The following SAMMSON variants were observed in gnomAD, a reference collection of about 807,000 sequenced individuals.
SAMMSON encodes the protein long intergenic non-protein coding RNA 1212.
intron 4 of SAMMSON, among the ~76,000 whole-genome samples, chr3:70,191,203 A>T (rs999450585): frequency 6.6e-6 from 1 of 152,250 alleles, no homozygotes; most frequent in Non-Finnish European, 1.5e-5. Flanking sequence ...CTGTATCCAC[A>T]AAATAAGTTG....
At chr3:70,404,762 C>T (rs1277761848) in intron 2 of SAMMSON, among the ~76,000 whole-genome samples, 11 of 152,102 alleles carry the variant, frequency 7.2e-5, no homozygotes, top group Admixed American at 3.9e-4. Context: ...GGTTTCTATC[C>T]GAGGCACTTT....
intron 6 of SAMMSON, among the ~76,000 whole-genome samples, chr3:70,258,427 C>T (rs1430447093): frequency 6.6e-6 from 1 of 150,876 alleles, no homozygotes. Context: ...TATGTATTTA[C>T]AGAGAGAGAG....
At chr3:70,327,605 C>G (rs1702588954) in intron 7 of SAMMSON, among the ~76,000 whole-genome samples, 1 of 152,142 alleles carries the variant, frequency 6.6e-6, no homozygotes, top group African/African-American at 2.4e-5. Flanking sequence ...ACTTCAGAGT[C>G]CAGGGAAGAC....
chr3:70,012,212 G>A (rs1401625229), intron 1 of SAMMSON: 1 of 152,062 alleles, frequency 6.6e-6, no homozygotes, highest in Admixed American at 6.6e-5. Flanking sequence ...ACCTGCTATG[G>A]GAGTCAAAAA....
chr3:70,236,281 G>A (rs1701608044), intron 4 of SAMMSON, among the ~76,000 whole-genome samples: 1 of 152,082 alleles, frequency 6.6e-6, no homozygotes, highest in South Asian at 2.1e-4. Context: ...ACATCACTTT[G>A]AGACTTTAAA....
chr3:70,303,072 TTAAAG>T (rs1702365972), intron 7 of SAMMSON, among the ~76,000 whole-genome samples: 1 of 152,170 alleles, frequency 6.6e-6, no homozygotes, highest in Non-Finnish European at 1.5e-5. Flanking sequence ...GCCAATACAT[TTAAAG>T]TAAGTATTCT....
chr3:70,323,277 T>A (rs1702550989), intron 7 of SAMMSON, among the ~76,000 whole-genome samples: 1 of 152,142 alleles, frequency 6.6e-6, no homozygotes, highest in African/African-American at 2.4e-5. Flanking sequence ...GTAAAATGAA[T>A]GTGTTCATTT....
chr3:70,174,385 G>T (rs1026422551), intron 4 of SAMMSON, among the ~76,000 whole-genome samples: 1 of 151,918 alleles, frequency 6.6e-6, no homozygotes, highest in South Asian at 2.1e-4. Context: ...TGAAGTGTTG[G>T]TTGCTTTATG....
chr3:70,127,176 G>A (rs1410976527), intron 4 of SAMMSON: 1 of 152,116 alleles, frequency 6.6e-6, no homozygotes, highest in African/African-American at 2.4e-5. Flanking sequence ...GGTATCTAAA[G>A]CAAAGCTTCC....
At chr3:70,216,215 A>G (rs1381499761) in intron 4 of SAMMSON, among the ~76,000 whole-genome samples, 2 of 150,548 alleles carry the variant, frequency 1.3e-5, no homozygotes, top group African/African-American at 4.9e-5. Context: ...TCTACTTTAT[A>G]TATAAATCCA....
At chr3:70,304,501 T>A (rs1702381930) in intron 7 of SAMMSON, among the ~76,000 whole-genome samples, 1 of 152,168 alleles carries the variant, frequency 6.6e-6, no homozygotes, top group Non-Finnish European at 1.5e-5. Context: ...TTTCTCTCTC[T>A]CACTTCACCA....
At chr3:70,236,049 C>G (rs536164144) in intron 4 of SAMMSON, among the ~76,000 whole-genome samples, 1 of 152,202 alleles carries the variant, frequency 6.6e-6, no homozygotes, top group Non-Finnish European at 1.5e-5. Context: ...TTCTACTTCT[C>G]TTAATGAATA....
chr3:70,067,193 C>T (rs1559784285), intron 3 of SAMMSON, among the ~76,000 whole-genome samples: 1 of 151,944 alleles, frequency 6.6e-6, no homozygotes, highest in Admixed American at 6.6e-5. Context: ...GGAGAGATTT[C>T]CTTACGGTAT....
At chr3:70,247,568 T>A (rs2106647642) in intron 4 of SAMMSON, among the ~76,000 whole-genome samples, 1 of 152,004 alleles carries the variant, frequency 6.6e-6, no homozygotes, top group Admixed American at 6.6e-5. Context: ...CACATATCAA[T>A]GCCACAACTC....
chr3:70,143,478 C>G (rs574820390), intron 4 of SAMMSON, among the ~76,000 whole-genome samples: 3 of 152,064 alleles, frequency 2.0e-5, no homozygotes, highest in African/African-American at 7.2e-5. Context: ...TTTCAGTTGT[C>G]TGGCCATCCC....
intron 2 of SAMMSON, among the ~76,000 whole-genome samples, chr3:70,404,803 G>A (rs1012733604): frequency 6.6e-6 from 1 of 152,252 alleles, no homozygotes; most frequent in Non-Finnish European, 1.5e-5. Flanking sequence ...ACACTGCAAA[G>A]CACAACAATC....
At chr3:70,353,226 C>T (rs2106735901) in intron 7 of SAMMSON, among the ~76,000 whole-genome samples, 1 of 151,992 alleles carries the variant, frequency 6.6e-6, no homozygotes, top group South Asian at 2.1e-4. Flanking sequence ...AAACTGTTCT[C>T]TGTAAAATAA....
At chr3:70,123,467 G>A (rs1301499536) in intron 4 of SAMMSON, among the ~76,000 whole-genome samples, 2 of 152,126 alleles carry the variant, frequency 1.3e-5, no homozygotes, top group African/African-American at 4.8e-5. Flanking sequence ...ACAAGGTTTT[G>A]CCATGTTGAC....
At chr3:70,414,733 T>C (rs1701249081) in intron 2 of SAMMSON, among the ~76,000 whole-genome samples, 1 of 152,214 alleles carries the variant, frequency 6.6e-6, no homozygotes, top group Non-Finnish European at 1.5e-5. Context: ...GAACCTCATA[T>C]AGTTCATTTA....
Sources: gnomAD v4.1 joint callset for allele counts (sites outside exome capture counted in the v4.1 genomes callset) on GRCh38, gnomAD v4.1.1 for gene constraint, MANE v1.5 for transcripts, NCBI Gene and HGNC (gene_info 2026-07-23, HGNC 2026-07-21) for gene names.